The following MKLN1 variants were observed in gnomAD, a reference collection of about 807,000 sequenced individuals.
MKLN1 encodes muskelin 1, also known as muskelin.
In MKLN1, 18 loss-of-function variants were observed where a neutral mutation model predicts 99.0. The observed-to-expected ratio is 0.18, with a 90% confidence interval of 0.13 to 0.27. The LOEUF is 0.27. MKLN1 is among the 10% of genes least tolerant of loss of function. The probability of loss-of-function intolerance (pLI) is 1.00; values close to 1 mark genes in which losing one functional copy is unlikely to be tolerated. For missense variants in MKLN1, 621 were observed against 875.9 expected (o/e 0.71, Z 3.67); for synonymous variants, 288 against 293.2 (o/e 0.98, Z 0.18).
intron 3 of MKLN1, among the ~76,000 whole-genome samples, chr7:131,311,394 C>A (rs1798561442): frequency 6.6e-6 from 1 of 152,074 alleles, no homozygotes; most frequent in Admixed American, 6.5e-5. Flanking sequence ...ACATAATAAT[C>A]ATAATTATGA....
intron 2 of MKLN1, among the ~76,000 whole-genome samples, chr7:131,197,417 A>G (rs535547145): frequency 1.0e-5 from 1 of 98,626 alleles, no homozygotes; most frequent in African/African-American, 3.1e-5. Flanking sequence ...TATTATTATT[A>G]TTATTATTAT....
At chr7:131,175,531 G>A (rs1796285975) in intron 2 of MKLN1, among the ~76,000 whole-genome samples, 1 of 152,160 alleles carries the variant, frequency 6.6e-6, no homozygotes, top group Non-Finnish European at 1.5e-5. Flanking sequence ...TAGAGAGTTA[G>A]GAAAGATTTT....
chr7:131,372,276 T>TTAA (rs1793487028), intron 1 of MKLN1, among the ~76,000 whole-genome samples: 1 of 152,108 alleles, frequency 6.6e-6, no homozygotes. Flanking sequence ...CCTGTAGTCT[T>TTAA]TTCAAACTCA....
At chr7:131,236,292 T>C (rs1220989034) in intron 3 of MKLN1, among the ~76,000 whole-genome samples, 1 of 152,124 alleles carries the variant, frequency 6.6e-6, no homozygotes, top group Non-Finnish European at 1.5e-5. Flanking sequence ...GATAAGGAAA[T>C]TGACAACACA....
intron 3 of MKLN1, among the ~76,000 whole-genome samples, chr7:131,313,876 G>C (rs1012584610): frequency 2.6e-5 from 4 of 152,318 alleles, no homozygotes; most frequent in African/African-American, 9.6e-5. Context: ...TGAAGGCAGA[G>C]CATCTAGAGC....
chr7:131,246,384 C>T (rs780678628), intron 3 of MKLN1, among the ~76,000 whole-genome samples: 1 of 152,122 alleles, frequency 6.6e-6, no homozygotes, highest in Non-Finnish European at 1.5e-5. Flanking sequence ...AGAAAAAGGG[C>T]CCATAAAGCT....
intron 3 of MKLN1, among the ~76,000 whole-genome samples, chr7:131,226,767 T>C (rs1797153434): frequency 1.3e-5 from 2 of 152,212 alleles, no homozygotes; most frequent in South Asian, 4.1e-4. Context: ...TTCTGGTATA[T>C]ATCCTCTCAT....
At chr7:131,176,551 A>G (rs907337891) in intron 2 of MKLN1, among the ~76,000 whole-genome samples, 1 of 152,222 alleles carries the variant, frequency 6.6e-6, no homozygotes, top group Admixed American at 6.5e-5. Context: ...CTTGCCAGCA[A>G]TAAGCAAAAA....
chr7:131,370,796 G>C (rs917636730), intron 1 of MKLN1, among the ~76,000 whole-genome samples: 14 of 152,120 alleles, frequency 9.2e-5, no homozygotes, highest in Non-Finnish European at 1.9e-4. Flanking sequence ...CTGACTCTTA[G>C]GGAGAGAAGT....
intron 1 of MKLN1, among the ~76,000 whole-genome samples, chr7:131,353,376 T>G (rs1416042208): frequency 6.6e-6 from 1 of 152,164 alleles, no homozygotes; most frequent in African/African-American, 2.4e-5. Context: ...TCGTGTTTAT[T>G]TGCTATCTGT....
At chr7:131,347,069 C>T (rs1799583558) in intron 1 of MKLN1, among the ~76,000 whole-genome samples, 1 of 152,294 alleles carries the variant, frequency 6.6e-6, no homozygotes, top group South Asian at 2.1e-4. Context: ...TGAATTTCAG[C>T]TTTCACTCTT....
At chr7:131,276,693 A>G (rs1457441842) in intron 3 of MKLN1, among the ~76,000 whole-genome samples, 2 of 152,224 alleles carry the variant, frequency 1.3e-5, no homozygotes, top group African/African-American at 4.8e-5. Context: ...AAGCAGCATG[A>G]ATGGGATAAA....
intron 17 of MKLN1, among the ~76,000 whole-genome samples, chr7:131,486,167 A>T (rs1797269436): frequency 6.6e-6 from 1 of 151,764 alleles, no homozygotes; most frequent in African/African-American, 2.4e-5. Flanking sequence ...TGAAGGCTAT[A>T]TGGGGTGTTC....
chr7:131,189,374 G>T (rs1195511782), intron 2 of MKLN1, among the ~76,000 whole-genome samples: 1 of 152,008 alleles, frequency 6.6e-6, no homozygotes, highest in Non-Finnish European at 1.5e-5. Context: ...CTCAATAAAT[G>T]ATGTTACGTA....
At chr7:131,223,123 A>G (rs1223393204) in intron 3 of MKLN1, among the ~76,000 whole-genome samples, 1 of 152,198 alleles carries the variant, frequency 6.6e-6, no homozygotes, top group African/African-American at 2.4e-5. Flanking sequence ...TACATAGGAA[A>G]GGATACTACT....
chr7:131,242,191 C>T (rs575489592), intron 3 of MKLN1, among the ~76,000 whole-genome samples: 10 of 152,150 alleles, frequency 6.6e-5, no homozygotes, highest in Admixed American at 2.6e-4. Context: ...TGAGGGCAGG[C>T]GAAGTTGAAA....
At chr7:131,214,819 T>A (rs1796955692) in intron 3 of MKLN1, among the ~76,000 whole-genome samples, 1 of 152,248 alleles carries the variant, frequency 6.6e-6, no homozygotes, top group African/African-American at 2.4e-5. Context: ...CTGACATCTT[T>A]ATGATAATGA....
intron 8 of MKLN1, among the ~76,000 whole-genome samples, chr7:131,416,054 G>A (rs895141514): frequency 2.0e-5 from 3 of 152,018 alleles, no homozygotes; most frequent in African/African-American, 7.2e-5. Context: ...CTGCAACCTC[G>A]CAAAGTGCTT....
At position 131,143,344 on chromosome 7, in the gene MKLN1, G is replaced by A. The variant is rs143688073; in HGVS notation, c.-297+403G>A. Reference sequence around the variant, plus strand: ...TTGCTGGGCATGGTGGCAGGTGCCTGTAATTCCGCTACTTGGGAGGTTGAG... The same window carrying A: ...TTGCTGGGCATGGTGGCAGGTGCCTATAATTCCGCTACTTGGGAGGTTGAG... On this transcript the variant is annotated intron_variant, in intron 2 of 7. Coordinates refer to the MKLN1 transcript ENST00000416992. Among the ~76,000 whole-genome samples the A allele has an allele frequency of 3.2e-4, 48 of 152,266 alleles. No individual in the cohort carries two copies. The East Asian group carries it at 6.8e-3, about 21-fold the overall frequency.
Sources: gnomAD v4.1 joint callset for allele counts (sites outside exome capture counted in the v4.1 genomes callset) on GRCh38, gnomAD v4.1.1 for gene constraint, MANE v1.5 for transcripts, NCBI Gene and HGNC (gene_info 2026-07-23, HGNC 2026-07-21) for gene names.